CLCN5: variants seen among roughly 807,000 people sequenced by gnomAD.
CLCN5 encodes the protein Cl-/H+ antiporter 5.
In CLCN5, 17 loss-of-function variants were observed where a neutral mutation model predicts 54.0. The observed-to-expected ratio is 0.31, with a 90% CI of 0.22 to 0.47. The LOEUF is 0.47. Among genes scored for constraint, CLCN5 ranks in the 20% least tolerant of loss-of-function variants. CLCN5 has a pLI of 1.00. For synonymous variants in CLCN5, 222 were observed against 233.0 expected (o/e 0.95, Z 0.43); for missense variants, 448 against 646.7 (o/e 0.69, Z 3.33).
chrX:50,000,946 T>C (rs896055735), intron 3 of CLCN5, among the ~76,000 whole-genome samples: 1 of 110,998 alleles, frequency 9.0e-6, no homozygotes, highest in African/African-American at 3.3e-5. Flanking sequence ...TCATAATTCT[T>C]TCCTTTCCTC....
At chrX:50,009,724 T>G (rs1557182177) in intron 3 of CLCN5, 1 of 385,084 alleles carries the variant, frequency 2.6e-6, no homozygotes, top group Non-Finnish European at 5.2e-6. Context: ...TCTGCTCTGC[T>G]CTTCCTCTCT....
rs1557193927 is a variant in CLCN5, at chrX:50,086,443, A to T, written c.1130A>T (p.Tyr377Phe). The change falls in exon 11 of 15, where the codon TAT becomes TTT. Residue 377 changes from tyrosine (Y) to phenylalanine (F), a missense_variant. By Grantham distance (22) the Tyr-to-Phe change is conservative. This residue lies in a region of CLCN5 where 297 missense variants were observed against 470.4 expected (regional missense o/e 0.63). Transcript: ENST00000376091. ...PFGNSRLVLF[Y>F]VEFHTPWHLF... ...GGGAACAGCCGCCTGGTACTATTTT[A>T]TGTGGAGTTTCACACCCCATGGCAT... 2 of 1,211,137 alleles carry T rather than the reference A, an allele frequency of 1.7e-6. No homozygotes were observed. Among genetic ancestry groups the T allele is most frequent in the South Asian group, 3.5e-5 (2 of 56,954 alleles).
chrX:49,929,344 G>T (rs782449220), intron 3 of CLCN5, among the ~76,000 whole-genome samples: 12 of 111,730 alleles, frequency 1.1e-4, no homozygotes, highest in African/African-American at 3.3e-4. Flanking sequence ...GATAACTCAG[G>T]GTTATCATTA....
chrX:50,060,210 G>C (rs1289652822), intron 4 of CLCN5, among the ~76,000 whole-genome samples: 1 of 103,773 alleles, frequency 9.6e-6, no homozygotes, highest in Non-Finnish European at 2.0e-5. Flanking sequence ...GAGCGACGCA[G>C]AAGACGGGTG....
chrX:50,033,550 C>T (rs1433274706), intron 3 of CLCN5, among the ~76,000 whole-genome samples: 2 of 111,397 alleles, frequency 1.8e-5, no homozygotes, highest in Non-Finnish European at 3.8e-5. Context: ...CATTCCATGC[C>T]CATGGGTAGG....
chrX:50,090,304 G>A lies in CLCN5; in HGVS notation c.1933G>A (p.Glu645Lys). ...ATACCCCTTTCTTGAAGCCAAAGAA[G>A]AGTTTGCTCATAAGACCCTGGCAAT... ...NGYPFLEAKE[E>K]FAHKTLAMDV... The change falls in exon 13 of 15, where the codon GAG (glutamate) becomes AAG (lysine). Residue 645 changes from glutamate to lysine, a missense_variant. Glu to Lys is a moderately conservative substitution (Grantham distance 56). Transcript: ENST00000376091. 8.3e-7 allele frequency: 1 copy of A among 1,211,386 alleles called. No homozygotes were observed. Among genetic ancestry groups the A allele is most frequent in the Non-Finnish European group, 1.1e-6 (1 of 895,183 alleles).
rs1331094119 is a variant in CLCN5, at chrX:50,015,900, T to C, written c.17-26416T>C. On this transcript the variant is annotated intron_variant, in intron 3 of 14. Coordinates refer to ENST00000376091, the MANE Select transcript of CLCN5 (RefSeq NM_001127898.4). ...CAAGTTCTTAAACATTTGGGACTTA[T>C]AGATTCTGATCCTTGGTCCTTCTTC... Among the ~76,000 whole-genome samples the C allele has an allele frequency of 6.3e-5, 7 of 111,820 alleles. 1 individual carries two copies. The highest frequency in any genetic ancestry group is 3.8e-4 in the Admixed American group (4 of 10,481).
Position 50,049,740 on chromosome X carries a change from T to A in CLCN5, c.163+7278T>A, listed in dbSNP as rs782116781. 8.0e-5 allele frequency among the ~76,000 whole-genome samples: 9 copies of A among 112,039 alleles called. No homozygotes were observed. The South Asian group carries it at 3.4e-3, about 42-fold the overall frequency. On this transcript the variant is annotated intron_variant, in intron 4 of 14. Coordinates refer to ENST00000376091, the MANE Select transcript of CLCN5 (RefSeq NM_001127898.4). Reference sequence around the variant, plus strand: ...TTTAATTTGCATACATTATGTTCATTCTTTGTGCTGTGAAGTTCTATAAGT... The same window carrying A: ...TTTAATTTGCATACATTATGTTCATACTTTGTGCTGTGAAGTTCTATAAGT...
intron 3 of CLCN5, chrX:50,009,086 G>A (rs1215789506): frequency 1.3e-5 from 4 of 307,903 alleles, no homozygotes; most frequent in Admixed American, 3.6e-5. Flanking sequence ...TCTTTCACAT[G>A]TTTGTGTTTG....
At chrX:49,992,036 G>A (rs936208131) in intron 3 of CLCN5, among the ~76,000 whole-genome samples, 9 of 110,883 alleles carry the variant, frequency 8.1e-5, no homozygotes, top group African/African-American at 3.0e-4. Flanking sequence ...AATCTATAGG[G>A]TCTTTCAGTT....
chrX:49,940,045 A>G (rs944555447), intron 3 of CLCN5, among the ~76,000 whole-genome samples: 2 of 111,620 alleles, frequency 1.8e-5, no homozygotes, highest in South Asian at 7.5e-4. Context: ...GGAATGAAGT[A>G]TGAATCTTTT....
In CLCN5 at chrX:50,086,797, A is replaced by G. The variant is rs782759026; in HGVS notation, c.1484A>G (p.Tyr495Cys). 37 of 1,209,185 alleles carry G rather than the reference A, an allele frequency of 3.1e-5. No individual in the cohort carries two copies. Among genetic ancestry groups the G allele is most frequent in the East Asian group, 3.0e-4 (10 of 33,721 alleles). ...GACAGACCGGCTGGCGTGGGAGTCT[A>G]CAGTGCAATGTGGCAGCTGGCTTTA... is the stretch of plus-strand genomic sequence containing the variant. ...LPDRPAGVGV[Y>C]SAMWQLALTL... is the part of the protein sequence containing the mutation. Residue 495 changes from tyrosine (Y) to cysteine (C), a missense_variant, in exon 11 of 15, where the codon TAC becomes TGC. Physicochemically the swap from Tyr to Cys is radical, Grantham distance 194. Transcript: ENST00000376091.
intron 10 of CLCN5, 43 bp from the exon 11 acceptor site, chrX:50,086,285 C>G (rs1373053640): frequency 4.4e-6 from 5 of 1,144,045 alleles, no homozygotes; most frequent in Non-Finnish European, 4.8e-6. Flanking sequence ...GAAATAGTTT[C>G]TGCGTATTGA....
chrX:50,078,923 C>T (rs917592315), intron 7 of CLCN5, among the ~76,000 whole-genome samples: 6 of 111,747 alleles, frequency 5.4e-5, no homozygotes, highest in South Asian at 3.7e-4. Flanking sequence ...CCCGGGTTCA[C>T]GCCATTCTCC....
intron 3 of CLCN5, among the ~76,000 whole-genome samples, chrX:49,989,813 C>T (rs1340125419): frequency 1.8e-5 from 2 of 112,095 alleles, no homozygotes; most frequent in Non-Finnish European, 3.8e-5. Context: ...CCCCAATTTC[C>T]ATTAACATTC....
At chrX:50,052,986 G>A (rs960320159) in intron 4 of CLCN5, among the ~76,000 whole-genome samples, 16 of 111,684 alleles carry the variant, frequency 1.4e-4, no homozygotes, top group African/African-American at 5.2e-4. Context: ...TGTGTATTTT[G>A]GGATTTCTAG....
At chrX:49,929,277 C>T (rs1022758971) in intron 3 of CLCN5, among the ~76,000 whole-genome samples, 7 of 111,981 alleles carry the variant, frequency 6.3e-5, no homozygotes, top group African/African-American at 2.3e-4. Flanking sequence ...TAATGGAGCC[C>T]TCTAATATAT....
intron 3 of CLCN5, chrX:50,014,563 GCTTCGAGCAC>G: frequency 3.0e-6 from 1 of 336,121 alleles, no homozygotes; most frequent in South Asian, 2.7e-5. Flanking sequence ...AACCTTCTCT[GCTTCGAGCAC>G]GGCAGGTGCC....
At chrX:50,067,768 G>A in intron 4 of CLCN5, 1 of 742,855 alleles carries the variant, frequency 1.3e-6, no homozygotes, top group Non-Finnish European at 1.6e-6. Context: ...AAGGTAAGCA[G>A]ACTTGAGCCT....
Sources: allele counts gnomAD v4.1 joint callset (sites outside exome capture counted in the v4.1 genomes callset), GRCh38; gene constraint gnomAD v4.1.1; regional missense constraint gnomAD v4.1.1; transcripts MANE v1.5; gene names NCBI Gene and HGNC (gene_info 2026-07-23, HGNC 2026-07-21).